The following SCGN variants were observed in gnomAD, a reference collection of about 807,000 sequenced individuals.
SCGN encodes the protein secretagogin.
In SCGN, 30 loss-of-function variants were observed where a neutral mutation model predicts 39.7. That is an observed-to-expected ratio of 0.76 (90% CI 0.57 to 1.03). The LOEUF is 1.03. Among genes scored for constraint, SCGN ranks in the 50% least tolerant of loss-of-function variants. SCGN has a pLI of 0.00. For synonymous variants in SCGN, 106 were observed against 114.1 expected, an observed-to-expected ratio of 0.93 and a Z score of 0.45; for missense variants, 353 against 349.4, an observed-to-expected ratio of 1.01 and a Z score of -0.08.
At chr6:25,670,598 G>A (rs985746916) in intron 6 of SCGN, among the ~76,000 whole-genome samples, 1 of 152,196 alleles carries the variant, frequency 6.6e-6, no homozygotes, top group African/African-American at 2.4e-5. Flanking sequence ...AAATGGGGAC[G>A]AATAACACCT....
chr6:25,674,384 AC>A lies in SCGN; in HGVS notation c.471+4309del, dbSNP rs565717992. 3.9e-3 allele frequency among the ~76,000 whole-genome samples: 593 copies of A among 152,306 alleles called. 9 individuals carry two copies. The highest frequency in any genetic ancestry group is 3.2e-3 in the Non-Finnish European group (216 of 68,032). ...TACTTTTCAACAAACAGATTTTGGA[AC>A]TTGACAGTTGGTTTTTTAAAAGACT... On this transcript the variant is annotated intron_variant, in intron 6 of 10. Transcript: ENST00000377961.
intron 10 of SCGN, among the ~76,000 whole-genome samples, chr6:25,698,659 A>G (rs1341063356): frequency 1.3e-5 from 2 of 152,198 alleles, no homozygotes; most frequent in African/African-American, 4.8e-5. Flanking sequence ...CCACATCTAT[A>G]CTTGCCTGGT....
chr6:25,701,266 C>T lies in SCGN; in HGVS notation c.762C>T (p.Asp254=), dbSNP rs138883420. 1.2e-5 allele frequency: 19 copies of T among 1,613,606 alleles called. No individual in the cohort carries two copies. The African/African-American group carries it at 1.9e-4, about 16-fold the overall frequency. Residue 254 remains aspartate (D), a synonymous_variant, in exon 11 of 11, where the codon GAC becomes GAT. Coordinates refer to ENST00000377961, the MANE Select transcript of SCGN (RefSeq NM_006998.4). The stretch of plus-strand genomic sequence containing the variant: ...GCGAGATTCTCCTGCGTCACTGCGA[C>T]GTGAACAAGGATGGAAAAATTCAGA... The part of the protein sequence containing the change: ...KFREILLRHC[D]VNKDGKIQKS...
At chr6:25,654,650 G>C (rs1435857131) in intron 2 of SCGN, among the ~76,000 whole-genome samples, 2 of 151,686 alleles carry the variant, frequency 1.3e-5, no homozygotes, top group East Asian at 1.9e-4. Flanking sequence ...AGCTCTTTTG[G>C]TCTTTCCTCT....
intron 10 of SCGN, among the ~76,000 whole-genome samples, chr6:25,692,484 T>G (rs1371351894): frequency 6.6e-6 from 1 of 152,176 alleles, no homozygotes; most frequent in Admixed American, 6.5e-5. Flanking sequence ...TTTGGCCTTC[T>G]TCTCTTCCAT....
intron 7 of SCGN, among the ~76,000 whole-genome samples, chr6:25,688,836 C>T (rs1759739338): frequency 7.1e-6 from 1 of 141,162 alleles, no homozygotes; most frequent in Non-Finnish European, 1.6e-5. Flanking sequence ...AGAATAAACA[C>T]TCCCCAGATT....
Position 25,658,490 on chromosome 6 carries a change from G to A in SCGN, c.154-3062G>A, listed in dbSNP as rs111245580. Among the ~76,000 whole-genome samples, 1,487 of 152,176 alleles carry A rather than the reference G, an allele frequency of 9.8e-3. 30 individuals are homozygous for A. The highest frequency in any genetic ancestry group is 0.033 in the African/African-American group (1,362 of 41,500). ...TCTAAATACAGGACCAAAGCCAGAG[G>A]TATAGCAGATGACCTTGATATGGCT... On this transcript the variant is annotated intron_variant, in intron 2 of 10. Coordinates refer to ENST00000377961, the MANE Select transcript of SCGN (RefSeq NM_006998.4).
chr6:25,687,109 A>G (rs1759715142), intron 7 of SCGN, among the ~76,000 whole-genome samples: 1 of 152,134 alleles, frequency 6.6e-6, no homozygotes, highest in Non-Finnish European at 1.5e-5. Context: ...CAAATTTTGA[A>G]ATAAAAAATG....
chr6:25,664,103 G>T (rs989860686), intron 3 of SCGN, among the ~76,000 whole-genome samples: 1 of 152,160 alleles, frequency 6.6e-6, no homozygotes, highest in Admixed American at 6.5e-5. Flanking sequence ...GGGGAATAAG[G>T]TATTATTATA....
chr6:25,652,467 C>T lies in SCGN; in HGVS notation c.64C>T (p.Gln22Ter). 1 of 1,614,014 alleles carries T rather than the reference C, an allele frequency of 6.2e-7. No individual in the cohort carries two copies. Among genetic ancestry groups the T allele is most frequent in the Non-Finnish European group, 8.5e-7 (1 of 1,180,002 alleles). The change falls in exon 1 of 11, where the codon CAG becomes TAG. Residue 22 changes from glutamine to a stop codon, truncating the protein, a stop_gained. Transcript: ENST00000377961. LOFTEE classifies it high-confidence loss of function. ...CGCCGCTGGCTTCTGGCAGGTCTGGCAGCGCTTTGATGCGGATGGTGAGTA... is the reference window on the plus strand; with the variant it reads ...CGCCGCTGGCTTCTGGCAGGTCTGGTAGCGCTTTGATGCGGATGGTGAGTA... ...LDAAGFWQVWQRFDADEKGYI... is the reference protein window; with the variant it reads ...LDAAGFWQVW
At chr6:25,680,004 C>A (rs193167956) in intron 6 of SCGN, among the ~76,000 whole-genome samples, 2 of 152,014 alleles carry the variant, frequency 1.3e-5, no homozygotes, top group African/African-American at 4.8e-5. Flanking sequence ...TCTTAAACAA[C>A]CTACTTCAAT....
intron 7 of SCGN, among the ~76,000 whole-genome samples, chr6:25,684,141 G>A (rs977676447): frequency 3.3e-5 from 5 of 152,134 alleles, no homozygotes; most frequent in Non-Finnish European, 5.9e-5. Context: ...CTGTAGAGGC[G>A]GGTTTGCTAT....
chr6:25,689,000 G>A (rs1020983177), intron 7 of SCGN, among the ~76,000 whole-genome samples, 172 bp from the exon 8 acceptor site: 4 of 152,110 alleles, frequency 2.6e-5, no homozygotes, highest in Non-Finnish European at 5.9e-5. Context: ...TAATCTCTAC[G>A]AGTTTTTCCC....
chr6:25,697,933 C>T (rs577603654), intron 10 of SCGN, among the ~76,000 whole-genome samples: 2 of 152,318 alleles, frequency 1.3e-5, no homozygotes, highest in African/African-American at 4.8e-5. Context: ...AGTTAATTAA[C>T]CTCTCTGTGC....
intron 10 of SCGN, among the ~76,000 whole-genome samples, chr6:25,695,311 T>C (rs1337396511): frequency 1.3e-5 from 2 of 152,180 alleles, no homozygotes; most frequent in Non-Finnish European, 2.9e-5. Context: ...TGGAGGTAAG[T>C]ATACATCCAT....
chr6:25,663,866 A>C (rs1167423942), intron 3 of SCGN, among the ~76,000 whole-genome samples: 1 of 152,222 alleles, frequency 6.6e-6, no homozygotes, highest in Non-Finnish European at 1.5e-5. Context: ...ATATCCAATT[A>C]GAAAATATGA....
At chr6:25,675,252 C>T (rs1759549096) in intron 6 of SCGN, among the ~76,000 whole-genome samples, 1 of 152,164 alleles carries the variant, frequency 6.6e-6, no homozygotes, top group Non-Finnish European at 1.5e-5. Context: ...CTAGTGACTT[C>T]AAGAATTCTG....
At chr6:25,683,518 A>T (rs545114765) in intron 7 of SCGN, among the ~76,000 whole-genome samples, 107 of 152,358 alleles carry the variant, frequency 7.0e-4, no homozygotes, top group Non-Finnish European at 1.5e-3. Context: ...CATACACAAT[A>T]TGACCTACCT....
At chr6:25,690,628 A>G (rs887856099) in intron 9 of SCGN, among the ~76,000 whole-genome samples, 5 of 152,238 alleles carry the variant, frequency 3.3e-5, no homozygotes. Context: ...CATTCAATGT[A>G]GTCTCCCTGG....
Sources: allele counts gnomAD v4.1 joint callset (sites outside exome capture counted in the v4.1 genomes callset), GRCh38; gene constraint gnomAD v4.1.1; transcripts MANE v1.5; gene names NCBI Gene and HGNC (gene_info 2026-07-23, HGNC 2026-07-21).